The following TRAPPC9 variants were observed in gnomAD, a reference collection of about 807,000 sequenced individuals.
TRAPPC9 encodes the protein IKK2 binding protein.
TRAPPC9 carries 83 observed loss-of-function variants against 124.0 expected under a neutral mutation model. That is an observed-to-expected ratio of 0.67 (90% CI 0.56 to 0.80). The LOEUF is 0.80. TRAPPC9 is among the 30% of genes least tolerant of loss of function. The pLI is 0.00. For synonymous variants in TRAPPC9, 638 were observed against 617.5 expected (o/e 1.03, Z -0.49); for missense variants, 1,302 against 1,508.3 (o/e 0.86, Z 2.27).
chr8:139,735,368 C>T (rs1397587517), intron 21 of TRAPPC9, among the ~76,000 whole-genome samples: 1 of 152,208 alleles, frequency 6.6e-6, no homozygotes, highest in Non-Finnish European at 1.5e-5. Context: ...GTTGGGGCAG[C>T]GGCTTTCGTC....
At chr8:139,772,693 G>A (rs1325722977) in intron 21 of TRAPPC9, among the ~76,000 whole-genome samples, 1 of 152,110 alleles carries the variant, frequency 6.6e-6, no homozygotes, top group African/African-American at 2.4e-5. Flanking sequence ...TAACATATAC[G>A]ACACCTAGTG....
At chr8:140,213,484 T>C (rs992027226) in intron 17 of TRAPPC9, among the ~76,000 whole-genome samples, 12 of 152,212 alleles carry the variant, frequency 7.9e-5, no homozygotes, top group African/African-American at 2.9e-4. Context: ...AAAAATAAGC[T>C]TTTGGTTGCT....
At chr8:140,115,265 T>C (rs997274653) in intron 17 of TRAPPC9, among the ~76,000 whole-genome samples, 2 of 148,874 alleles carry the variant, frequency 1.3e-5, no homozygotes, top group African/African-American at 2.5e-5. Context: ...ACAGTTGTTA[T>C]AATGGTTTTT....
intron 19 of TRAPPC9, among the ~76,000 whole-genome samples, chr8:139,987,865 T>C (rs1837344594): frequency 6.6e-6 from 1 of 152,140 alleles, no homozygotes; most frequent in Admixed American, 6.5e-5. Flanking sequence ...GCCTCGCTCC[T>C]GACCAGCTCT....
intron 2 of TRAPPC9, among the ~76,000 whole-genome samples, chr8:140,445,290 C>T (rs2071204450): frequency 6.6e-6 from 1 of 152,242 alleles, no homozygotes; most frequent in Admixed American, 6.5e-5. Flanking sequence ...GCACCTAGCA[C>T]AGCACATGGC....
intron 11 of TRAPPC9, among the ~76,000 whole-genome samples, chr8:140,298,855 C>A (rs1348798307): frequency 6.6e-6 from 1 of 152,188 alleles, no homozygotes; most frequent in Non-Finnish European, 1.5e-5. Flanking sequence ...TGTACCCCAT[C>A]CATTCATTCA....
chr8:139,960,911 C>T lies in TRAPPC9; in HGVS notation c.2810+27815G>A, dbSNP rs1035020359. On this transcript the variant is annotated intron_variant, in intron 19 of 22. Coordinates refer to ENST00000438773, the MANE Select transcript of TRAPPC9 (RefSeq NM_001160372.4). ...CCAGTAGGGACAAATAATGGTTGTT[C>T]GGTGGCTTAACCCCTAACGTTTTAG... Among the ~76,000 whole-genome samples, 21 of 125,382 alleles carry T rather than the reference C, an allele frequency of 1.7e-4. 3 individuals carry two copies. Among genetic ancestry groups the T allele is most frequent in the African/African-American group, 4.0e-4 (16 of 39,622 alleles). The allele number at this position is 125,382 out of a possible 152,430, so 82.3% of individuals were successfully genotyped here. A position where few individuals can be genotyped will look rare whatever the true frequency, so the allele number is the denominator to read the frequency against.
chr8:139,784,573 CAAAT>C (rs571905487), intron 21 of TRAPPC9, among the ~76,000 whole-genome samples: 6 of 112,080 alleles, frequency 5.4e-5, no homozygotes, highest in African/African-American at 1.7e-4. Context: ...GACTCCATGT[CAAAT>C]AAATAAATAA....
In TRAPPC9 at chr8:140,311,436, C is replaced by CCAAA. The variant is rs2066296198; in HGVS notation, c.1496-63_1496-62insTTTG. ...GGCAAAAGTCAAAGTGGCTGGCTTT[C>CCAAA]ATTTTACTTGGGGCATTTCATGACA... is the stretch of plus-strand genomic sequence containing the variant. On this transcript the variant is annotated intron_variant, in intron 9 of 22. Transcript: ENST00000438773. The CCAAA allele has an allele frequency of 3.1e-6, 5 of 1,595,806 alleles. No individual in the cohort carries two copies. In the Admixed American group the frequency reaches 8.4e-5, roughly 27 times the overall value.
chr8:140,329,750 T>C (rs939406461), intron 9 of TRAPPC9, among the ~76,000 whole-genome samples: 11 of 152,154 alleles, frequency 7.2e-5, no homozygotes, highest in Middle Eastern at 3.2e-3. Flanking sequence ...GTTACTTTCC[T>C]GGGGTTATTA....
intron 10 of TRAPPC9, among the ~76,000 whole-genome samples, chr8:140,307,162 G>A (rs1202968750): frequency 2.0e-5 from 3 of 152,168 alleles, no homozygotes; most frequent in Admixed American, 6.5e-5. Context: ...GTTACTAAAA[G>A]GCACCTGCTC....
chr8:140,376,488 G>T (rs1003666038), intron 7 of TRAPPC9, among the ~76,000 whole-genome samples: 1 of 149,024 alleles, frequency 6.7e-6, no homozygotes, highest in South Asian at 2.1e-4. Flanking sequence ...CTTGGGAGAC[G>T]GAACTTGCAG....
intron 21 of TRAPPC9, among the ~76,000 whole-genome samples, chr8:139,739,476 C>A (rs191045633): frequency 9.8e-4 from 150 of 152,362 alleles, no homozygotes; most frequent in African/African-American, 3.6e-3. Context: ...CTCGGCCCTA[C>A]GAGTTTCCTC....
chr8:139,874,128 G>C (rs192279934), intron 21 of TRAPPC9, among the ~76,000 whole-genome samples: 1 of 152,262 alleles, frequency 6.6e-6, no homozygotes, highest in Non-Finnish European at 1.5e-5. Context: ...CAGGGCTGTC[G>C]TAAGGCAGAT....
intron 2 of TRAPPC9, among the ~76,000 whole-genome samples, chr8:140,440,631 C>A (rs1046193961): frequency 4.6e-5 from 7 of 152,186 alleles, no homozygotes; most frequent in Non-Finnish European, 1.0e-4. Flanking sequence ...TGCTTCTATA[C>A]ACACACAGCC....
intron 1 of TRAPPC9, 119 bp downstream of exon 1, chr8:140,457,520 G>T: frequency 1.2e-6 from 1 of 846,898 alleles, no homozygotes. Context: ...GCTCCGCCCG[G>T]ACAGGTGAGG....
At chr8:139,849,188 G>T (rs893321830) in intron 21 of TRAPPC9, among the ~76,000 whole-genome samples, 1 of 152,202 alleles carries the variant, frequency 6.6e-6, no homozygotes, top group African/African-American at 2.4e-5. Flanking sequence ...GATCTCCCGA[G>T]AACTCCAAAA....
chr8:140,356,754 C>A (rs891246443), intron 9 of TRAPPC9, among the ~76,000 whole-genome samples: 6 of 151,916 alleles, frequency 3.9e-5, no homozygotes, highest in African/African-American at 1.2e-4. Flanking sequence ...GGATTACAGG[C>A]GTGCACCACC....
At chr8:140,183,939 GAGGAGAGGA>G in intron 17 of TRAPPC9, among the ~76,000 whole-genome samples, 1 of 51,054 alleles carries the variant, frequency 2.0e-5, no homozygotes, top group Non-Finnish European at 4.5e-5. Flanking sequence ...GAGGAGAGGA[GAGGAGAGGA>G]GAGGGGAGGG....
Sources: gnomAD v4.1 joint callset for allele counts (sites outside exome capture counted in the v4.1 genomes callset) on GRCh38, gnomAD v4.1.1 for gene constraint, MANE v1.5 for transcripts, NCBI Gene and HGNC (gene_info 2026-07-23, HGNC 2026-07-21) for gene names.